DYM: variants seen among roughly 807,000 people sequenced by gnomAD.
The protein encoded by DYM is dyggve-Melchior-Clausen syndrome protein.
DYM carries 78 observed loss-of-function variants against 93.1 expected under a neutral mutation model. That is an observed-to-expected ratio of 0.84 (90% CI 0.70 to 1.01). The LOEUF (loss-of-function observed/expected upper bound fraction) is 1.01. Ranked by LOEUF, DYM falls within the 50% of genes least tolerant of loss-of-function variation. The pLI, the probability that DYM is intolerant of heterozygous loss-of-function variation, is 0.00. For missense variants in DYM, 789 were observed against 845.0 expected (o/e 0.93, Z 0.82); for synonymous variants, 321 against 319.7 (o/e 1.00, Z -0.04).
chr18:49,210,782 CA>C lies in DYM; in HGVS notation c.1461-1068del, dbSNP rs555727315. On this transcript the variant is annotated intron_variant, in intron 13 of 17. Coordinates refer to ENST00000675505, the MANE Select transcript of DYM (RefSeq NM_001353214.3). ...GTTGATAGTGGGGGAGGTTGGAGGC[CA>C]GGGGATATATGGCAACTCTATACTT... Among the ~76,000 whole-genome samples the C allele has an allele frequency of 3.9e-5, 6 of 152,088 alleles. 1 individual carries two copies. The South Asian group carries it at 1.0e-3, about 26-fold the overall frequency.
At chr18:49,311,698 T>C (rs751770445) in intron 8 of DYM, among the ~76,000 whole-genome samples, 27 of 107,340 alleles carry the variant, frequency 2.5e-4, no homozygotes, top group Admixed American at 4.0e-4. Flanking sequence ...GGACACAGGG[T>C]GGGGAACATC....
chr18:49,240,464 T>G (rs915580969), intron 13 of DYM, among the ~76,000 whole-genome samples: 3 of 152,208 alleles, frequency 2.0e-5, no homozygotes, highest in Non-Finnish European at 2.9e-5. Flanking sequence ...ATTTGAGAGA[T>G]ATTGGTTCAC....
chr18:49,056,166 T>G (rs2075459906), intron 17 of DYM, among the ~76,000 whole-genome samples: 1 of 152,218 alleles, frequency 6.6e-6, no homozygotes, highest in Non-Finnish European at 1.5e-5. Context: ...GAGGCAGGAC[T>G]CTTCAGACAA....
chr18:49,227,374 CAG>C (rs1367679758), intron 13 of DYM, among the ~76,000 whole-genome samples: 1 of 152,096 alleles, frequency 6.6e-6, no homozygotes, highest in Non-Finnish European at 1.5e-5. Flanking sequence ...CTTTCTATAG[CAG>C]AGCAGTAAAA....
At chr18:49,301,742 A>G (rs2060950608) in intron 8 of DYM, among the ~76,000 whole-genome samples, 4 of 152,216 alleles carry the variant, frequency 2.6e-5, no homozygotes, top group Admixed American at 2.6e-4. Context: ...AGAAAATATT[A>G]GAGCTTTGTT....
At chr18:49,239,090 T>G (rs112551898) in intron 13 of DYM, among the ~76,000 whole-genome samples, 1,636 of 152,316 alleles carry the variant, frequency 0.011, 29 homozygotes, top group African/African-American at 0.038. Flanking sequence ...CACATGAACA[T>G]GCATCTTACA....
At chr18:49,193,295 CAA>C (rs530388915) in intron 14 of DYM, among the ~76,000 whole-genome samples, 1 of 143,652 alleles carries the variant, frequency 7.0e-6, no homozygotes. Context: ...CACTACTGGG[CAA>C]AAAAAAAAAT....
chr18:49,109,423 A>G (rs1294271410), intron 16 of DYM, among the ~76,000 whole-genome samples: 1 of 152,214 alleles, frequency 6.6e-6, no homozygotes, highest in Non-Finnish European at 1.5e-5. Context: ...TAGAGTTTAT[A>G]CTATACACCT....
intron 2 of DYM, among the ~76,000 whole-genome samples, chr18:49,423,171 G>T (rs1431300643): frequency 1.3e-5 from 2 of 152,112 alleles, no homozygotes; most frequent in Non-Finnish European, 2.9e-5. Flanking sequence ...AAATGTAAAA[G>T]AACAGAAATT....
At chr18:49,390,362 C>A (rs1412657548) in intron 3 of DYM, among the ~76,000 whole-genome samples, 2 of 151,930 alleles carry the variant, frequency 1.3e-5, no homozygotes, top group Non-Finnish European at 2.9e-5. Flanking sequence ...CCCAGGAGAT[C>A]AAGGCTGCAG....
In DYM at chr18:49,209,432, C is replaced by T. The variant is rs954560199; in HGVS notation, c.1625+119G>A. ...TTATTTTAAAAAAATTATTTAGTAC[C>T]ATTTCAAATATAAATGTTCTCTTTA... On this transcript the variant is annotated intron_variant, in intron 14 of 17. Coordinates refer to ENST00000675505, the MANE Select transcript of DYM (RefSeq NM_001353214.3). 1.1e-5 allele frequency: 7 copies of T among 658,938 alleles called. No individual in the cohort carries two copies. The South Asian group carries it at 1.6e-4, about 15-fold the overall frequency. 40.8% of individuals were successfully genotyped at this position (658,938 alleles called of 1,614,324 possible). A position where few individuals can be genotyped will look rare whatever the true frequency, so the allele number is the denominator to read the frequency against.
chr18:49,296,392 A>G lies in DYM; in HGVS notation c.764-9776T>C, dbSNP rs187728415. 6.6e-5 allele frequency among the ~76,000 whole-genome samples: 10 copies of G among 152,336 alleles called. No individual in the cohort carries two copies. In the East Asian group the frequency reaches 1.9e-3, roughly 29 times the overall value. ...ATTTGCTGCCTATGTACTTGTATAC[A>G]TTCATTTCATCATTTATTAAGGGCC... On this transcript the variant is annotated intron_variant, in intron 8 of 17. Coordinates refer to ENST00000675505, the MANE Select transcript of DYM (RefSeq NM_001353214.3).
chr18:49,196,966 G>C (rs913295594), intron 14 of DYM, among the ~76,000 whole-genome samples: 10 of 152,196 alleles, frequency 6.6e-5, no homozygotes, highest in African/African-American at 2.2e-4. Context: ...ATTTTGGATA[G>C]AGAACTGAAA....
intron 2 of DYM, among the ~76,000 whole-genome samples, chr18:49,403,872 A>G (rs2148078093): frequency 6.6e-6 from 1 of 152,316 alleles, no homozygotes; most frequent in South Asian, 2.1e-4. Flanking sequence ...TTTCCTTAGG[A>G]TAACGGCCTC....
At chr18:49,088,073 C>T (rs2078711604) in intron 17 of DYM, among the ~76,000 whole-genome samples, 1 of 151,906 alleles carries the variant, frequency 6.6e-6, no homozygotes, top group South Asian at 2.1e-4. Context: ...GTTGCCTGTT[C>T]ACTCTGATGG....
chr18:49,057,040 G>A (rs74697841), intron 17 of DYM, among the ~76,000 whole-genome samples: 9 of 152,208 alleles, frequency 5.9e-5, no homozygotes, highest in South Asian at 2.1e-4. Flanking sequence ...TAGGTCGTAA[G>A]TTTCATATCT....
intron 5 of DYM, among the ~76,000 whole-genome samples, chr18:49,370,296 A>AC (rs1371747972): frequency 1.3e-3 from 194 of 144,554 alleles, no homozygotes; most frequent in Non-Finnish European, 2.2e-3. Flanking sequence ...AAAAAAAAAA[A>AC]AAACAAAACA....
chr18:49,306,292 T>C (rs187209586), intron 8 of DYM, among the ~76,000 whole-genome samples: 2 of 152,328 alleles, frequency 1.3e-5, no homozygotes, highest in Non-Finnish European at 2.9e-5. Flanking sequence ...TTAATTATTT[T>C]TTCCCCTTCT....
At chr18:49,100,358 G>C (rs186409092) in intron 16 of DYM, among the ~76,000 whole-genome samples, 1 of 151,988 alleles carries the variant, frequency 6.6e-6, no homozygotes, top group African/African-American at 2.4e-5. Flanking sequence ...TCAAAGACAC[G>C]ACAAACCAAC....
Sources: gnomAD v4.1 joint callset for allele counts (sites outside exome capture counted in the v4.1 genomes callset) on GRCh38, gnomAD v4.1.1 for gene constraint, MANE v1.5 for transcripts, NCBI Gene and HGNC (gene_info 2026-07-23, HGNC 2026-07-21) for gene names.